The following PACRG variants were observed in gnomAD, a reference collection of about 807,000 sequenced individuals.
The protein encoded by PACRG is parkin coregulated.
PACRG carries 29 observed loss-of-function variants against 29.7 expected under a neutral mutation model. The observed-to-expected ratio is 0.98, with a 90% CI of 0.73 to 1.33. The LOEUF is 1.33. PACRG is among the 40% of genes most tolerant of loss of function. The pLI, the probability that PACRG is intolerant of heterozygous loss-of-function variation, is 0.00. For missense variants in PACRG, 279 were observed against 316.2 expected, an observed-to-expected ratio of 0.88 and a Z score of 0.89; for synonymous variants, 116 against 118.7, an observed-to-expected ratio of 0.98 and a Z score of 0.15.
intron 2 of PACRG, among the ~76,000 whole-genome samples, chr6:163,044,475 T>A (rs2128240144): frequency 6.6e-6 from 1 of 152,312 alleles, no homozygotes. Flanking sequence ...CTGACAATTA[T>A]TAAAACTACA....
chr6:162,892,118 T>G (rs1794809478), intron 2 of PACRG: 1 of 152,312 alleles, frequency 6.6e-6, no homozygotes, highest in Non-Finnish European at 1.5e-5. Context: ...GTTGTTACTG[T>G]CCCAGTCTGG....
intron 4 of PACRG, among the ~76,000 whole-genome samples, chr6:163,154,640 AG>A (rs1334941183): frequency 6.6e-6 from 1 of 152,238 alleles, no homozygotes. Flanking sequence ...AGAAAAATAC[AG>A]GATACCCAGT....
intron 4 of PACRG, among the ~76,000 whole-genome samples, chr6:163,291,320 G>T (rs1215808051): frequency 1.5e-5 from 2 of 133,704 alleles, no homozygotes; most frequent in Non-Finnish European, 3.2e-5. Flanking sequence ...CCCTCTGCCC[G>T]CCAGAGCTGG....
chr6:162,973,440 G>A (rs1719234036), intron 2 of PACRG, among the ~76,000 whole-genome samples: 1 of 152,170 alleles, frequency 6.6e-6, no homozygotes, highest in East Asian at 1.9e-4. Flanking sequence ...CTTGCTGGTA[G>A]GACCTCTCTC....
intron 4 of PACRG, among the ~76,000 whole-genome samples, chr6:163,179,636 G>A (rs905554591): frequency 6.6e-6 from 1 of 151,640 alleles, no homozygotes; most frequent in Non-Finnish European, 1.5e-5. Context: ...TCTGAGCCTG[G>A]CAGTTTGATG....
At chr6:162,997,439 C>T (rs187153339) in intron 2 of PACRG, 14 of 454,314 alleles carry the variant, frequency 3.1e-5, no homozygotes, top group Admixed American at 1.7e-4. Context: ...AACCACATCA[C>T]CTTGGCCCTT....
chr6:163,047,956 C>A (rs973153833), intron 2 of PACRG, among the ~76,000 whole-genome samples: 1 of 152,118 alleles, frequency 6.6e-6, no homozygotes, highest in Admixed American at 6.5e-5. Flanking sequence ...TTTACTTCAT[C>A]TCTTGCTATT....
chr6:162,913,838 A>G (rs1249295951), intron 2 of PACRG, among the ~76,000 whole-genome samples: 1 of 152,200 alleles, frequency 6.6e-6, no homozygotes, highest in Non-Finnish European at 1.5e-5. Flanking sequence ...GTGCTTCTAT[A>G]TCTTCTTTTT....
At chr6:162,733,248 A>G (rs1779910949) in intron 1 of PACRG, among the ~76,000 whole-genome samples, 1 of 152,190 alleles carries the variant, frequency 6.6e-6, no homozygotes, top group African/African-American at 2.4e-5. Context: ...ACCCACATAG[A>G]AAGTTATCCT....
intron 1 of PACRG, among the ~76,000 whole-genome samples, chr6:162,796,707 C>CAA (rs35582026): frequency 3.5e-5 from 5 of 141,840 alleles, no homozygotes; most frequent in South Asian, 2.3e-4. Flanking sequence ...ATAGATGAAG[C>CAA]AAAAAAAAAA....
intron 2 of PACRG, among the ~76,000 whole-genome samples, chr6:163,028,626 A>T (rs1379001044): frequency 6.6e-6 from 1 of 152,238 alleles, no homozygotes. Flanking sequence ...ATATTTAAAT[A>T]TTCGTTTTTT....
rs1799294033 is a variant in PACRG, at chr6:162,947,615, T to TATATATATATATAATC, written c.292-114522_292-114521insATCATATATATATATA. On this transcript the variant is annotated intron_variant, in intron 2 of 4. Transcript: ENST00000366888. The stretch of plus-strand genomic sequence containing the variant: ...ATAATCATATATATATATAATCATA[T>TATATATATATATAATC]ATATATATATATATATATATATATA... 1.2e-3 allele frequency among the ~76,000 whole-genome samples: 26 copies of TATATATATATATAATC among 22,524 alleles called. 1 individual carries two copies. Among genetic ancestry groups the TATATATATATATAATC allele is most frequent in the African/African-American group, 3.7e-3 (26 of 6,996 alleles). 14.8% of individuals were successfully genotyped at this position (22,524 alleles called of 152,430 possible).
chr6:163,196,168 T>C (rs1780445281), intron 4 of PACRG, among the ~76,000 whole-genome samples: 1 of 152,192 alleles, frequency 6.6e-6, no homozygotes, highest in Non-Finnish European at 1.5e-5. Flanking sequence ...CCTGATCATC[T>C]AGAGTTAGGG....
chr6:162,881,768 A>C (rs1048184509), intron 2 of PACRG, among the ~76,000 whole-genome samples: 2 of 149,056 alleles, frequency 1.3e-5, no homozygotes, highest in Non-Finnish European at 3.0e-5. Flanking sequence ...CAAAGAACAG[A>C]GATCCGGGAG....
upstream of PACRG, chr6:162,727,391 CG>C: frequency 2.1e-6 from 1 of 468,758 alleles, no homozygotes; most frequent in South Asian, 3.2e-5. Flanking sequence ...AGCGGGGGTG[CG>C]GGGCCGCCTG....
intron 4 of PACRG, among the ~76,000 whole-genome samples, chr6:163,145,106 G>A (rs111478314): frequency 8.5e-4 from 130 of 152,310 alleles, no homozygotes; most frequent in African/African-American, 2.9e-3. Flanking sequence ...CATGAGAGAC[G>A]ATTTGTGAAA....
At chr6:162,851,205 C>T (rs1790830658) in intron 2 of PACRG, among the ~76,000 whole-genome samples, 1 of 152,206 alleles carries the variant, frequency 6.6e-6, no homozygotes, top group Non-Finnish European at 1.5e-5. Flanking sequence ...TTGTGATTCA[C>T]AGGGAGGTCC....
chr6:163,294,525 T>C (rs566150821), intron 4 of PACRG, among the ~76,000 whole-genome samples: 4 of 152,270 alleles, frequency 2.6e-5, no homozygotes, highest in African/African-American at 7.2e-5. Context: ...AAGAGAACCG[T>C]TGGACAAAAT....
At chr6:162,792,244 G>C (rs1031979027) in intron 1 of PACRG, among the ~76,000 whole-genome samples, 1 of 152,110 alleles carries the variant, frequency 6.6e-6, no homozygotes, top group Non-Finnish European at 1.5e-5. Flanking sequence ...TTCAGGGTGA[G>C]TGCAAGGGAG....
Sources: allele counts gnomAD v4.1 joint callset (sites outside exome capture counted in the v4.1 genomes callset), GRCh38; gene constraint gnomAD v4.1.1; transcripts MANE v1.5; gene names NCBI Gene and HGNC (gene_info 2026-07-23, HGNC 2026-07-21).